The following ANKRD11 variants were observed in gnomAD, a reference collection of about 807,000 sequenced individuals.
ANKRD11 encodes ankyrin repeat domain 11.
In ANKRD11, 17 loss-of-function variants were observed where a neutral mutation model predicts 195.7. That is an observed-to-expected ratio of 0.09 (90% CI 0.06 to 0.13). The LOEUF is 0.13. Ranked by LOEUF, ANKRD11 falls within the 10% of genes least tolerant of loss-of-function variation. The pLI, the probability that ANKRD11 is intolerant of heterozygous loss-of-function variation, is 1.00. For missense variants in ANKRD11, 3,735 were observed against 3,566.1 expected (o/e 1.05, Z -1.21); for synonymous variants, 1,953 against 1,528.1 (o/e 1.28, Z -6.49).
At chr16:89,275,007 C>T (rs2033521202) in intron 10 of ANKRD11, 50 bp from the exon 11 acceptor site, 3 of 1,612,874 alleles carry the variant, frequency 1.9e-6, no homozygotes, top group Non-Finnish European at 2.5e-6. Context: ...ACGCTCCAGG[C>T]CCCACTGTCA....
intron 1 of ANKRD11, among the ~76,000 whole-genome samples, chr16:89,455,103 C>T (rs2056372067): frequency 1.1e-5 from 1 of 92,968 alleles, no homozygotes. Context: ...TCAAGCTGCT[C>T]CCCTGGGTGC....
intron 1 of ANKRD11, among the ~76,000 whole-genome samples, chr16:89,478,681 G>A (rs535585036): frequency 3.3e-5 from 5 of 152,334 alleles, no homozygotes; most frequent in South Asian, 2.1e-4. Flanking sequence ...GCAGCTCTCC[G>A]GCACAGCCAT....
intron 6 of ANKRD11, among the ~76,000 whole-genome samples, chr16:89,289,286 T>TA (rs144454150): frequency 0.035 from 5,138 of 148,844 alleles, 140 homozygotes; most frequent in East Asian, 0.068. Flanking sequence ...AAAAATGCTT[T>TA]AAAAAAAAAA....
intron 2 of ANKRD11, among the ~76,000 whole-genome samples, chr16:89,387,229 TAA>T (rs74265463): frequency 7.9e-5 from 11 of 139,372 alleles, no homozygotes; most frequent in Admixed American, 2.1e-4. Flanking sequence ...AGTGCCAAGT[TAA>T]AAAAAAAAAA....
intron 1 of ANKRD11, among the ~76,000 whole-genome samples, chr16:89,483,673 A>G (rs1423384859): frequency 3.9e-5 from 6 of 152,194 alleles, no homozygotes; most frequent in Non-Finnish European, 8.8e-5. Context: ...TACGAAAAAT[A>G]CAAAATTAGC....
At chr16:89,390,990 A>C (rs1281491021) in intron 2 of ANKRD11, among the ~76,000 whole-genome samples, 1 of 152,154 alleles carries the variant, frequency 6.6e-6, no homozygotes, top group Non-Finnish European at 1.5e-5. Flanking sequence ...GCATTTTGGG[A>C]GGCCGAGGTG....
intron 11 of ANKRD11, chr16:89,271,280 C>T (rs917647266): frequency 2.1e-4 from 72 of 342,842 alleles, no homozygotes; most frequent in African/African-American, 1.4e-3. Context: ...GCTTGTTGCC[C>T]AGGCTGGAGT....
rs373643251 is a variant in ANKRD11 at position 89,285,300 on chromosome 16, C to T, written c.1242G>A (p.Glu414=). The T allele has an allele frequency of 1.9e-6, 3 of 1,613,840 alleles. No individual in the cohort carries two copies. Among genetic ancestry groups the T allele is most frequent in the African/African-American group, 2.7e-5 (2 of 74,932 alleles). ...CTGTCCCCACGGTGACACTCGCGTC[C>T]TCCTCGTCCGACGTGTCTGACAGGA... ...HRILSDTSDE[E]DASVTVGTGE... Residue 414 remains glutamate (E), a synonymous_variant, in exon 9 of 13, where the codon GAG becomes GAA. Coordinates refer to ENST00000301030, the MANE Select transcript of ANKRD11 (RefSeq NM_013275.6). This position sits in a 1 kb window ranked among gnomAD's most constrained non-coding sequence, Gnocchi z 5.6.
At chr16:89,310,280 T>TC (rs111494989) in intron 3 of ANKRD11, among the ~76,000 whole-genome samples, 16 of 152,326 alleles carry the variant, frequency 1.1e-4, no homozygotes, top group African/African-American at 3.8e-4. Context: ...TGAGCTCTCT[T>TC]CTGTTCCACT....
chr16:89,303,870 C>T lies in ANKRD11; in HGVS notation c.226+1336G>A, dbSNP rs532925915. On this transcript the variant is annotated intron_variant, in intron 4 of 12. Transcript: ENST00000301030. ...CTCTTCAACAATCTCCTTCGTATCA[C>T]GAGCTCTTCTCACCTGGACCACTTC... is the stretch of plus-strand genomic sequence containing the variant. Among the ~76,000 whole-genome samples, 32 of 152,312 alleles carry T rather than the reference C, an allele frequency of 2.1e-4. No homozygotes were observed. In the East Asian group the frequency reaches 3.1e-3, roughly 15 times the overall value.
chr16:89,346,528 G>A (rs954136461), intron 2 of ANKRD11, among the ~76,000 whole-genome samples: 8 of 152,192 alleles, frequency 5.3e-5, no homozygotes, highest in African/African-American at 1.4e-4. Flanking sequence ...TACACCACAC[G>A]CCTAAAAACT....
chr16:89,462,314 G>A lies in ANKRD11; in HGVS notation c.-145+27931C>T, dbSNP rs79690355. Among the ~76,000 whole-genome samples, 6 of 152,280 alleles carry A rather than the reference G, an allele frequency of 3.9e-5. 1 individual carries two copies. Among genetic ancestry groups the A allele is most frequent in the Admixed American group, 3.3e-4 (5 of 15,302 alleles). On this transcript the variant is annotated intron_variant, in intron 1 of 12. Coordinates refer to ENST00000301030, the MANE Select transcript of ANKRD11 (RefSeq NM_013275.6). ...TCCAGCCCCTAACCGCAAGTGATCC[G>A]CCAGCCTCGGCCTCCCGAGGTGCCG... is the stretch of plus-strand genomic sequence containing the variant.
intron 1 of ANKRD11, among the ~76,000 whole-genome samples, chr16:89,420,857 C>T (rs181640387): frequency 6.6e-6 from 1 of 152,334 alleles, no homozygotes; most frequent in East Asian, 1.9e-4. Flanking sequence ...AAGACATTTT[C>T]TAAGGTGTGA....
chr16:89,323,665 G>A (rs1355341628), intron 2 of ANKRD11: 4 of 314,456 alleles, frequency 1.3e-5, no homozygotes, highest in African/African-American at 2.3e-5. Context: ...CCCGCACACC[G>A]CCTGACAGTC....
chr16:89,377,678 C>T (rs1005538465), intron 2 of ANKRD11, among the ~76,000 whole-genome samples: 7 of 152,132 alleles, frequency 4.6e-5, no homozygotes, highest in Admixed American at 2.6e-4. Flanking sequence ...GGGGTTCCCA[C>T]GACTCCCACC....
At chr16:89,489,993 G>A (rs2057767366) in intron 1 of ANKRD11, among the ~76,000 whole-genome samples, 1 of 109,266 alleles carries the variant, frequency 9.2e-6, no homozygotes, top group Admixed American at 8.8e-5. Context: ...GCCCCTCACG[G>A]CCACCCCGGG....
intron 9 of ANKRD11, chr16:89,278,118 G>T (rs1309442880): frequency 4.1e-6 from 1 of 244,454 alleles, no homozygotes; most frequent in Non-Finnish European, 8.1e-6. Context: ...TGTGAGTGGA[G>T]TCGCGTGGTC....
At chr16:89,318,844 G>T (rs570894214) in intron 2 of ANKRD11, among the ~76,000 whole-genome samples, 159 of 152,334 alleles carry the variant, frequency 1.0e-3, no homozygotes, top group African/African-American at 3.7e-3. Flanking sequence ...CTCCACCCGC[G>T]GTGCAGGTGA....
At chr16:89,311,570 A>G (rs1042142161) in intron 3 of ANKRD11, among the ~76,000 whole-genome samples, 2 of 152,252 alleles carry the variant, frequency 1.3e-5, no homozygotes, top group Admixed American at 6.5e-5. Context: ...CACCACATAC[A>G]AAAATTAACT....
Sources: gnomAD v4.1 joint callset for allele counts (sites outside exome capture counted in the v4.1 genomes callset) on GRCh38, gnomAD v4.1.1 for gene constraint, Gnocchi (gnomAD v3.1) non-coding constraint, MANE v1.5 for transcripts, NCBI Gene and HGNC (gene_info 2026-07-23, HGNC 2026-07-21) for gene names.